The following MTAP variants were observed in gnomAD, a reference collection of about 807,000 sequenced individuals.
MTAP encodes the protein methylthioadenosine phosphorylase, also known as S-methyl-5'-thioadenosine phosphorylase.
MTAP carries 33 observed loss-of-function variants against 33.6 expected under a neutral mutation model. The observed-to-expected ratio is 0.98, with a 90% CI of 0.74 to 1.31. The LOEUF is 1.31. Among genes scored for constraint, MTAP ranks in the 40% most tolerant of loss-of-function variants. MTAP has a pLI of 0.00. For missense variants in MTAP, 367 were observed against 360.0 expected (o/e 1.02, Z -0.16); for synonymous variants, 148 against 125.7 (o/e 1.18, Z -1.19).
At chr9:21,894,989 C>T (rs182651867) in intron 1 of MTAP, among the ~76,000 whole-genome samples, 1 of 152,182 alleles carries the variant, frequency 6.6e-6, no homozygotes, top group East Asian at 1.9e-4. Flanking sequence ...AAGTTCTCCA[C>T]AAGGAGAATT....
intron 5 of MTAP, 140 bp from the exon 6 acceptor site, chr9:21,854,491 G>C: frequency 8.5e-7 from 1 of 1,179,334 alleles, no homozygotes. Context: ...GGTTTTTTCT[G>C]AGAGCCTGGC....
chr9:21,929,218 C>T (rs906825424), intron 1 of MTAP, among the ~76,000 whole-genome samples: 1 of 152,122 alleles, frequency 6.6e-6, no homozygotes, highest in African/African-American at 2.4e-5. Flanking sequence ...ACCCTCAGCT[C>T]CAGAATACAC....
chr9:21,849,775 G>A (rs1356213224), intron 5 of MTAP, among the ~76,000 whole-genome samples: 3 of 152,222 alleles, frequency 2.0e-5, no homozygotes, highest in Non-Finnish European at 4.4e-5. Context: ...ATGGGTCTTG[G>A]GGAGAATGAC....
intron 1 of MTAP, among the ~76,000 whole-genome samples, chr9:21,875,042 G>A (rs553818808): frequency 6.6e-6 from 1 of 152,244 alleles, no homozygotes; most frequent in South Asian, 2.1e-4. Context: ...ATTCCATGGT[G>A]TATATGTGCC....
chr9:21,919,205 A>T (rs1818744514), intron 1 of MTAP, among the ~76,000 whole-genome samples: 1 of 152,226 alleles, frequency 6.6e-6, no homozygotes, highest in South Asian at 2.1e-4. Flanking sequence ...TGAAATTTTT[A>T]TCAGGGAAGA....
chr9:21,898,776 C>G (rs535543319), intron 1 of MTAP, among the ~76,000 whole-genome samples: 1 of 152,286 alleles, frequency 6.6e-6, no homozygotes, highest in South Asian at 2.1e-4. Flanking sequence ...CACTTTTACA[C>G]TGTTGGTGGG....
At position 21,864,553 on chromosome 9, in the gene MTAP, A is replaced by G. The variant is rs10123713; in HGVS notation, c.*2539A>G. ...GCTGTTATATTTGGCATGGATTTTC[A>G]TGGTTTTGAGAATGACATCCTGGCC... On this transcript the variant is annotated 3_prime_UTR_variant, in exon 8 of 8. Coordinates refer to ENST00000644715, the MANE Select transcript of MTAP (RefSeq NM_002451.4). 5.5e-3 allele frequency: 5,450 copies of G among 985,284 alleles called. 208 individuals are homozygous for G. The African/African-American group carries it at 0.082, about 15-fold the overall frequency. The allele number at this position is 985,284 out of a possible 1,614,324, so 61.0% of individuals were successfully genotyped here. A position where few individuals can be genotyped will look rare whatever the true frequency, so the allele number is the denominator to read the frequency against.
At chr9:21,826,294 G>C (rs961535681) in intron 4 of MTAP, among the ~76,000 whole-genome samples, 2 of 148,612 alleles carry the variant, frequency 1.3e-5, no homozygotes, top group Non-Finnish European at 3.0e-5. Flanking sequence ...TAGTTGGTTT[G>C]TTCAAATAAG....
At chr9:21,859,119 A>G (rs1016193444) in intron 6 of MTAP, 184 bp from the exon 7 acceptor site, 3 of 681,540 alleles carry the variant, frequency 4.4e-6, no homozygotes, top group African/African-American at 3.7e-5. Context: ...CTCTGCCTTC[A>G]TGACCTAATT....
rs534756818 is a variant in MTAP, at chr9:21,826,444, G to T, written c.347+8242G>T. Among the ~76,000 whole-genome samples, 41 of 151,398 alleles carry T rather than the reference G, an allele frequency of 2.7e-4. No homozygotes were observed. The South Asian group carries it at 7.5e-3, about 28-fold the overall frequency. ...AAGTGTCATTTAGTGTCTTCTCCCGGCCCCTGTGTTTGCTATAAACTGGAT... is the reference window on the plus strand; with the variant it reads ...AAGTGTCATTTAGTGTCTTCTCCCGTCCCCTGTGTTTGCTATAAACTGGAT... On this transcript the variant is annotated intron_variant, in intron 4 of 7. Transcript: ENST00000644715.
Position 21,837,925 on chromosome 9 carries a change from A to G in MTAP, c.365A>G (p.Gln122Arg). The change falls in exon 5 of 8, where the codon CAG (glutamine) becomes CGG (arginine). Residue 122 changes from glutamine (Q) to arginine (R), a missense_variant. By Grantham distance (43) the Gln-to-Arg change is conservative (BLOSUM62 1). Coordinates refer to ENST00000644715, the MANE Select transcript of MTAP (RefSeq NM_002451.4). ...QFIDRTTMRP[Q>R]SFYDGSHSCA... ...TTTTGTAGGACCACTATGAGACCTC[A>G]GTCCTTCTATGATGGAAGTCATTCT... 1 of 1,614,060 alleles carries G rather than the reference A, an allele frequency of 6.2e-7. No individual in the cohort carries two copies. The highest frequency in any genetic ancestry group is 2.2e-5 in the East Asian group (1 of 44,884).
intron 4 of MTAP, among the ~76,000 whole-genome samples, chr9:21,832,150 T>A (rs1824983096): frequency 6.6e-6 from 1 of 152,236 alleles, no homozygotes; most frequent in Non-Finnish European, 1.5e-5. Flanking sequence ...ACTTTGCTTT[T>A]GTCACGCATT....
Position 21,856,056 on chromosome 9 carries a change from CT to C in MTAP, c.690+1190del, listed in dbSNP as rs544745908. The stretch of plus-strand genomic sequence containing the variant: ...GTATTTTAATGATTACCTCTTGTCT[CT>C]TTTAATCTAATTTTCACCTCTTTCT... On this transcript the variant is annotated intron_variant, in intron 6 of 7. Transcript: ENST00000644715. 112 of 576,256 alleles carry C rather than the reference CT, an allele frequency of 1.9e-4. No homozygotes were observed. In the African/African-American group the frequency reaches 2.2e-3, roughly 11 times the overall value. 35.7% of individuals were successfully genotyped at this position (576,256 alleles called of 1,614,324 possible).
chr9:21,920,867 C>G (rs1379597406), intron 1 of MTAP, among the ~76,000 whole-genome samples: 1 of 152,120 alleles, frequency 6.6e-6, no homozygotes, highest in Non-Finnish European at 1.5e-5. Flanking sequence ...AAATATTGGC[C>G]TAACACTCTT....
chr9:21,861,759 CTT>C, intron 7 of MTAP: 1 of 579,872 alleles, frequency 1.7e-6, no homozygotes, highest in Non-Finnish European at 3.1e-6. Flanking sequence ...ATTAACCTCA[CTT>C]TACAGGAAAG....
chr9:21,911,953 A>C (rs7859207), intron 1 of MTAP, among the ~76,000 whole-genome samples: 27,044 of 152,110 alleles, frequency 0.18, 4,191 homozygotes, highest in African/African-American at 0.4. Context: ...GGGAGTATCA[A>C]GACCGATCCC....
chr9:21,898,086 C>T (rs1293378288), intron 1 of MTAP, among the ~76,000 whole-genome samples: 6 of 152,144 alleles, frequency 3.9e-5, no homozygotes, highest in Admixed American at 3.3e-4. Context: ...CACACATCTA[C>T]AACCATCTGA....
chr9:21,905,634 T>C (rs1028328332), intron 1 of MTAP, among the ~76,000 whole-genome samples: 1 of 113,608 alleles, frequency 8.8e-6, no homozygotes, highest in African/African-American at 4.5e-5. Flanking sequence ...TTCAGGAAAG[T>C]GAAATAATTC....
At chr9:21,895,318 A>C (rs189215924) in intron 1 of MTAP, among the ~76,000 whole-genome samples, 1 of 152,340 alleles carries the variant, frequency 6.6e-6, no homozygotes, top group East Asian at 1.9e-4. Flanking sequence ...TGGTACTTGT[A>C]TTAGTCCATT....
Sources: gnomAD v4.1 joint callset for allele counts (sites outside exome capture counted in the v4.1 genomes callset) on GRCh38, gnomAD v4.1.1 for gene constraint, MANE v1.5 for transcripts, NCBI Gene and HGNC (gene_info 2026-07-23, HGNC 2026-07-21) for gene names.